The following SHCBP1 variants were observed in gnomAD, a reference collection of about 807,000 sequenced individuals.
The protein encoded by SHCBP1 is SHC binding and spindle associated 1.
SHCBP1 carries 60 observed loss-of-function variants against 75.1 expected under a neutral mutation model. That is an observed-to-expected ratio of 0.80 (90% CI 0.65 to 0.99). SHCBP1 has a LOEUF of 0.99. SHCBP1 is among the 50% of genes least tolerant of loss of function. The probability of loss-of-function intolerance (pLI) is 0.00; values close to 1 mark genes in which losing one functional copy is unlikely to be tolerated. For synonymous variants in SHCBP1, 290 were observed against 293.2 expected (o/e 0.99, Z 0.11); for missense variants, 709 against 809.4 (o/e 0.88, Z 1.50).
intron 1 of SHCBP1, 46 bp downstream of exon 1, chr16:46,621,211 G>T (rs1415679696): frequency 6.4e-7 from 1 of 1,558,512 alleles, no homozygotes. Flanking sequence ...GACGCCCCAG[G>T]CCTCCGCTCA....
At chr16:46,596,730 CTTT>C (rs574771448) in intron 9 of SHCBP1, among the ~76,000 whole-genome samples, 1 of 139,892 alleles carries the variant, frequency 7.1e-6, no homozygotes, top group Non-Finnish European at 1.6e-5. Flanking sequence ...AATGAGTAAA[CTTT>C]TTTTTTTTTT....
At chr16:46,600,599 C>T (rs928778755) in intron 8 of SHCBP1, among the ~76,000 whole-genome samples, 1 of 152,158 alleles carries the variant, frequency 6.6e-6, no homozygotes, top group African/African-American at 2.4e-5. Context: ...TTGAATAAAC[C>T]TAAACAGTTC....
chr16:46,600,294 C>G (rs1965212494), intron 8 of SHCBP1, among the ~76,000 whole-genome samples: 6 of 152,132 alleles, frequency 3.9e-5, no homozygotes, highest in Admixed American at 3.9e-4. Flanking sequence ...CAGTGAGATT[C>G]CATCTCTACA....
intron 3 of SHCBP1, among the ~76,000 whole-genome samples, chr16:46,617,018 C>T (rs1258073532): frequency 1.3e-5 from 2 of 152,174 alleles, no homozygotes; most frequent in Non-Finnish European, 2.9e-5. Flanking sequence ...TTTACTAGGG[C>T]TTTTTGTGGT....
intron 9 of SHCBP1, 94 bp downstream of exon 9, chr16:46,599,737 A>G (rs1965202001): frequency 5.2e-6 from 5 of 970,342 alleles, no homozygotes; most frequent in Non-Finnish European, 6.9e-6. Context: ...CCTGTACTCA[A>G]GAGTGGCATT....
At position 46,604,294 on chromosome 16, in the gene SHCBP1, A is replaced by T. The variant is rs1291182534; in HGVS notation, c.857T>A (p.Leu286Ter). The change falls in exon 6 of 13, where the codon TTA becomes TAA. Residue 286 changes from leucine to a stop codon, truncating the protein, a stop_gained. Transcript: ENST00000303383. LOFTEE classifies it high-confidence loss of function. ...EQENISMVEG[L>*]KLYSEMEQLK... The stretch of plus-strand genomic sequence containing the variant: ...CTGTTCCATCTCCGAATACAATTTT[A>T]ACCCTTCCACCATGGAGATATTTTC... 6.2e-7 allele frequency: 1 copy of T among 1,614,218 alleles called. No individual in the cohort carries two copies.
chr16:46,606,209 T>A (rs1965325041), intron 5 of SHCBP1, among the ~76,000 whole-genome samples: 1 of 152,146 alleles, frequency 6.6e-6, no homozygotes, highest in Non-Finnish European at 1.5e-5. Flanking sequence ...TCTGAAGCAG[T>A]GTTGGTTTTT....
Position 46,579,972 on chromosome 16 carries a change from A to G in SHCBP1, c.*1757T>C, listed in dbSNP as rs1451279764. ...ATAAAAATAAAATAAATACAAAAAA[A>G]AAATTAGCTGGGCATGGTGGCGGGC... On this transcript the variant is annotated 3_prime_UTR_variant, in exon 13 of 13. Transcript: ENST00000303383. Among the ~76,000 whole-genome samples the G allele has an allele frequency of 6.6e-6, 1 of 151,628 alleles. No individual in the cohort carries two copies. The highest frequency in any genetic ancestry group is 1.5e-5 in the Non-Finnish European group (1 of 67,892).
chr16:46,608,320 T>C lies in SHCBP1; in HGVS notation c.666A>G (p.Arg222=). Residue 222 remains arginine, a synonymous_variant, in exon 5 of 13, where the codon AGA becomes AGG. Transcript: ENST00000303383. Reference sequence around the variant, plus strand: ...ACAATCTTAATCGAGGTTCAACACATCTGACAAAATAATCGTATTCATCCT... The same window carrying C: ...ACAATCTTAATCGAGGTTCAACACACCTGACAAAATAATCGTATTCATCCT... ...EEEDEYDYFV[R]CVEPRLRLHY... The C allele has an allele frequency of 6.2e-7, 1 of 1,613,346 alleles. No homozygotes were observed. Among genetic ancestry groups the C allele is most frequent in the Non-Finnish European group, 8.5e-7 (1 of 1,179,440 alleles).
At chr16:46,584,418 AT>A (rs1230704175) in intron 10 of SHCBP1, among the ~76,000 whole-genome samples, 2 of 152,120 alleles carry the variant, frequency 1.3e-5, no homozygotes, top group Non-Finnish European at 2.9e-5. Flanking sequence ...AAAAAAAGTC[AT>A]TTAACAATTT....
At chr16:46,604,795 T>C (rs949632400) in intron 5 of SHCBP1, among the ~76,000 whole-genome samples, 1 of 152,176 alleles carries the variant, frequency 6.6e-6, no homozygotes, top group Non-Finnish European at 1.5e-5. Context: ...TTCTCATATA[T>C]TAGATTCAAA....
intron 12 of SHCBP1, among the ~76,000 whole-genome samples, chr16:46,582,569 G>T (rs1964890170): frequency 6.6e-6 from 1 of 152,216 alleles, no homozygotes; most frequent in Non-Finnish European, 1.5e-5. Flanking sequence ...CATGAGGCAA[G>T]AACCTGAGAG....
Position 46,582,142 on chromosome 16 carries a change from A to C in SHCBP1, c.1694-88T>G, listed in dbSNP as rs1041784568. On this transcript the variant is annotated intron_variant, in intron 12 of 12. Coordinates refer to ENST00000303383, the MANE Select transcript of SHCBP1 (RefSeq NM_024745.5). ...TTTCTACACAGTCTTCTCAACAAGC[A>C]GCTGCCTTGCTTTCTATACCAAGGT... 5 of 1,377,492 alleles carry C rather than the reference A, an allele frequency of 3.6e-6. No individual in the cohort carries two copies. In the East Asian group the frequency reaches 7.0e-5, roughly 19 times the overall value. The allele number at this position is 1,377,492 out of a possible 1,614,324, so 85.3% of individuals were successfully genotyped here. A position where few individuals can be genotyped will look rare whatever the true frequency, so the allele number is the denominator to read the frequency against.
intron 9 of SHCBP1, among the ~76,000 whole-genome samples, chr16:46,598,347 G>T (rs1965176276): frequency 6.6e-6 from 1 of 152,152 alleles, no homozygotes; most frequent in African/African-American, 2.4e-5. Flanking sequence ...TGATCCATGG[G>T]CTGCAGAATG....
At chr16:46,620,698 G>C (rs929922321) in intron 1 of SHCBP1, 1 of 148,544 alleles carries the variant, frequency 6.7e-6, no homozygotes, top group Non-Finnish European at 1.5e-5. Flanking sequence ...TAAAATATCA[G>C]AAAAAAAAAA....
intron 10 of SHCBP1, among the ~76,000 whole-genome samples, chr16:46,584,414 A>T (rs1434468107): frequency 1.3e-5 from 2 of 152,146 alleles, no homozygotes; most frequent in Non-Finnish European, 2.9e-5. Context: ...AAAAAAAAAA[A>T]GTCATTTAAC....
At chr16:46,593,136 GA>G (rs200694718) in intron 10 of SHCBP1, among the ~76,000 whole-genome samples, 2 of 151,406 alleles carry the variant, frequency 1.3e-5, no homozygotes, top group African/African-American at 4.8e-5. Flanking sequence ...GGCAAGGGGG[GA>G]AAAAGGCATA....
intron 4 of SHCBP1, among the ~76,000 whole-genome samples, chr16:46,609,697 CT>C (rs1965378495): frequency 6.6e-6 from 1 of 151,664 alleles, no homozygotes; most frequent in African/African-American, 2.4e-5. Flanking sequence ...GTGATCCCCC[CT>C]GCCTCGGTCT....
chr16:46,613,933 C>T (rs1352948311), intron 4 of SHCBP1, among the ~76,000 whole-genome samples: 1 of 152,210 alleles, frequency 6.6e-6, no homozygotes, highest in Non-Finnish European at 1.5e-5. Context: ...TAAATTTAAC[C>T]AGGCTCCTCC....
Sources: allele counts gnomAD v4.1 joint callset (sites outside exome capture counted in the v4.1 genomes callset), GRCh38; gene constraint gnomAD v4.1.1; transcripts MANE v1.5; gene names NCBI Gene and HGNC (gene_info 2026-07-23, HGNC 2026-07-21).